PPARD: variants seen among roughly 807,000 people sequenced by gnomAD.
PPARD encodes the protein peroxisome proliferator-activated receptor delta.
Under a neutral mutation model 39.5 loss-of-function variants are expected in PPARD, and 6 were observed. That is an observed-to-expected ratio of 0.15 (90% confidence interval 0.08 to 0.30). The LOEUF is 0.30. Among genes scored for constraint, PPARD ranks in the 10% least tolerant of loss-of-function variants. The pLI, the probability that PPARD is intolerant of heterozygous loss-of-function variation, is 1.00. For missense variants in PPARD, 397 were observed against 596.8 expected (o/e 0.67, Z 3.49); for synonymous variants, 210 against 231.3 (o/e 0.91, Z 0.83).
chr6:35,392,888 G>T (rs77790729), intron 2 of PPARD, among the ~76,000 whole-genome samples: 9,590 of 152,176 alleles, frequency 0.063, 725 homozygotes, highest in African/African-American at 0.18. Flanking sequence ...TGCTCCTCAT[G>T]TTACCCTGGT....
chr6:35,394,170 G>A (rs938834235), intron 2 of PPARD, among the ~76,000 whole-genome samples: 2 of 152,192 alleles, frequency 1.3e-5, no homozygotes, highest in Non-Finnish European at 2.9e-5. Flanking sequence ...TTTAGGTTGT[G>A]GGGCAAGTGT....
At position 35,427,697 on chromosome 6, in the gene PPARD, G is replaced by A. The variant is rs1293481293; in HGVS notation, c.*1618G>A. The A allele has an allele frequency of 6.6e-6, 1 of 152,454 alleles. No homozygotes were observed. Among genetic ancestry groups the A allele is most frequent in the Non-Finnish European group, 1.5e-5 (1 of 68,246 alleles). 9.4% of individuals were successfully genotyped at this position (152,454 alleles called of 1,614,324 possible). ...GCGCAGAGCCCTCCAGGCCTGCAGG[G>A]GCAAGGGGCTGGCTGGAGTCTCAGA... On this transcript the variant is annotated 3_prime_UTR_variant, in exon 8 of 8. Transcript: ENST00000360694.
At chr6:35,404,423 G>A (rs1311080628) in intron 2 of PPARD, among the ~76,000 whole-genome samples, 1 of 152,172 alleles carries the variant, frequency 6.6e-6, no homozygotes, top group East Asian at 1.9e-4. Context: ...TCCAGCTTAG[G>A]CTCTGGTACA....
intron 2 of PPARD, among the ~76,000 whole-genome samples, chr6:35,378,194 C>G (rs912798471): frequency 5.3e-5 from 8 of 152,086 alleles, no homozygotes; most frequent in African/African-American, 1.9e-4. Flanking sequence ...ACTCTGACCC[C>G]CTTGAGAGCA....
At chr6:35,375,209 G>GTTTTTTTTTTTTTT (rs558275286) in intron 2 of PPARD, among the ~76,000 whole-genome samples, 2 of 59,232 alleles carry the variant, frequency 3.4e-5, no homozygotes, top group Non-Finnish European at 3.0e-5. Context: ...CTCCTTCCGA[G>GTTTTTTTTTTTTTT]TTTTTTTTTT....
chr6:35,353,683 G>A (rs954076831), intron 2 of PPARD, among the ~76,000 whole-genome samples: 1 of 152,168 alleles, frequency 6.6e-6, no homozygotes, highest in Non-Finnish European at 1.5e-5. Context: ...TTAGAGAATG[G>A]TAGGAAGAGG....
intron 2 of PPARD, among the ~76,000 whole-genome samples, chr6:35,358,829 C>T (rs1288121178): frequency 6.6e-6 from 1 of 152,104 alleles, no homozygotes; most frequent in African/African-American, 2.4e-5. Context: ...TGTGTACCTC[C>T]TATGTGCTAG....
chr6:35,361,241 T>C (rs1474662207), intron 2 of PPARD, among the ~76,000 whole-genome samples: 1 of 152,120 alleles, frequency 6.6e-6, no homozygotes, highest in Non-Finnish European at 1.5e-5. Context: ...AGCTCATACA[T>C]GTAAAGGCAC....
At chr6:35,409,430 G>A (rs1227404697) in intron 2 of PPARD, among the ~76,000 whole-genome samples, 4 of 152,016 alleles carry the variant, frequency 2.6e-5, no homozygotes, top group East Asian at 1.9e-4. Context: ...CCTTGAGCAC[G>A]GGAGATAAAG....
intron 3 of PPARD, 60 bp from the exon 4 acceptor site, chr6:35,420,067 C>T: frequency 6.3e-7 from 1 of 1,579,098 alleles, no homozygotes; most frequent in Non-Finnish European, 8.6e-7. Flanking sequence ...GGGCTGTTCC[C>T]ACGCCCTGGC....
intron 2 of PPARD, among the ~76,000 whole-genome samples, chr6:35,374,386 G>A (rs370060183): frequency 3.3e-5 from 5 of 152,052 alleles, no homozygotes; most frequent in East Asian, 1.9e-4. Context: ...GGCCAGGCGC[G>A]GTGGCTCATG....
chr6:35,397,336 C>T (rs988691658), intron 2 of PPARD, among the ~76,000 whole-genome samples: 1 of 152,250 alleles, frequency 6.6e-6, no homozygotes, highest in Admixed American at 6.5e-5. Flanking sequence ...TGAAGCCCCC[C>T]CTCCCGCAAC....
In PPARD at chr6:35,409,772, G is replaced by A. The variant is rs1581648983; in HGVS notation, c.-101-1215G>A. Among the ~76,000 whole-genome samples, 16 of 152,302 alleles carry A rather than the reference G, an allele frequency of 1.1e-4. No homozygotes were observed. In the South Asian group the frequency reaches 2.9e-3, roughly 28 times the overall value. ...AGTCCAAGCAAGGGAAGGCCTGGTG[G>A]AAATGAATGTGTAGCCTTAACATGT... On this transcript the variant is annotated intron_variant, in intron 2 of 7. Transcript: ENST00000360694.
intron 2 of PPARD, among the ~76,000 whole-genome samples, chr6:35,388,870 T>A (rs1763837702): frequency 6.6e-6 from 1 of 152,102 alleles, no homozygotes; most frequent in Non-Finnish European, 1.5e-5. Flanking sequence ...TTATCAGACA[T>A]CTAAATGCCT....
Position 35,426,005 on chromosome 6 carries a change from C to T in PPARD, c.1252C>T (p.Gln418Ter), listed in dbSNP as rs760765835. The change falls in exon 8 of 8, where the codon CAG becomes TAG. Residue 418 changes from glutamine to a stop codon, truncating the protein, a stop_gained. Transcript: ENST00000360694. LOFTEE classifies it high-confidence loss of function. ...GGTCACCGAGCACGCCCAGATGATG[C>T]AGCGGATCAAGAAGACCGAAACCGA... ...QLVTEHAQMMQRIKKTETETS... is the reference protein window; with the variant it reads ...QLVTEHAQMM The T allele has an allele frequency of 3.1e-6, 5 of 1,614,130 alleles. No homozygotes were observed. Among genetic ancestry groups the T allele is most frequent in the Non-Finnish European group, 4.2e-6 (5 of 1,180,036 alleles).
chr6:35,372,005 AGGTG>A (rs1330535418), intron 2 of PPARD, among the ~76,000 whole-genome samples: 1 of 152,182 alleles, frequency 6.6e-6, no homozygotes, highest in Non-Finnish European at 1.5e-5. Context: ...GTGGTTTCTA[AGGTG>A]GGTCTGGGTT....
chr6:35,397,076 G>A (rs571467893), intron 2 of PPARD, among the ~76,000 whole-genome samples: 12 of 152,062 alleles, frequency 7.9e-5, no homozygotes, highest in South Asian at 6.2e-4. Flanking sequence ...CTCTTCCCTC[G>A]TGCACAGCCT....
Position 35,410,984 on chromosome 6 carries a change from C to T in PPARD, c.-101-3C>T, listed in dbSNP as rs9658133. The stretch of plus-strand genomic sequence containing the variant: ...ACCTCTTCCTGTCTTCTCCTCTGCC[C>T]AGGCTGATGGGAACCACCCTGTAGA... On this transcript the variant is annotated splice_region_variant and splice_polypyrimidine_tract_variant and intron_variant, in intron 2 of 7. Transcript: ENST00000360694. 11,203 of 1,282,348 alleles carry T rather than the reference C, an allele frequency of 8.7e-3. 67 individuals carry two copies. Among genetic ancestry groups the T allele is most frequent in the South Asian group, 0.015 (491 of 32,924 alleles). The allele number at this position is 1,282,348 out of a possible 1,614,324, so 79.4% of individuals were successfully genotyped here. A position where few individuals can be genotyped will look rare whatever the true frequency, so the allele number is the denominator to read the frequency against.
At chr6:35,384,224 G>GC (rs1326943946) in intron 2 of PPARD, among the ~76,000 whole-genome samples, 1 of 134,950 alleles carries the variant, frequency 7.4e-6, no homozygotes, top group Admixed American at 7.1e-5. Context: ...GGGGGGGTCA[G>GC]CCCCCCGCCC....
Sources: allele counts gnomAD v4.1 joint callset (sites outside exome capture counted in the v4.1 genomes callset), GRCh38; gene constraint gnomAD v4.1.1; transcripts MANE v1.5; gene names NCBI Gene and HGNC (gene_info 2026-07-23, HGNC 2026-07-21).